Variants in UHRF2 observed in about 807,000 individuals in gnomAD.
The protein encoded by UHRF2 is ubiquitin like with PHD and ring finger domains 2.
In UHRF2, 23 loss-of-function variants were observed where a neutral mutation model predicts 96.8. The observed-to-expected ratio is 0.24, with a 90% CI of 0.17 to 0.34. UHRF2 has a LOEUF of 0.34. Among genes scored for constraint, UHRF2 ranks in the 10% least tolerant of loss-of-function variants. UHRF2 has a pLI of 1.00. For missense variants in UHRF2, 685 were observed against 981.5 expected (o/e 0.70, Z 4.04); for synonymous variants, 385 against 332.6 (o/e 1.16, Z -1.72).
At chr9:6,484,099 G>C (rs1294866317) in intron 8 of UHRF2, among the ~76,000 whole-genome samples, 1 of 147,228 alleles carries the variant, frequency 6.8e-6, no homozygotes, top group Non-Finnish European at 1.5e-5. Context: ...AAGAGACAGG[G>C]TCTTGCTCTA....
At chr9:6,487,819 G>C (rs1824401324) in intron 9 of UHRF2, among the ~76,000 whole-genome samples, 1 of 152,024 alleles carries the variant, frequency 6.6e-6, no homozygotes. Flanking sequence ...AGCTTTTTTT[G>C]GTCATTCTTC....
intron 3 of UHRF2, among the ~76,000 whole-genome samples, chr9:6,453,885 A>G (rs752588951): frequency 6.6e-6 from 1 of 152,180 alleles, no homozygotes; most frequent in Non-Finnish European, 1.5e-5. Context: ...AACCTGGGCA[A>G]CAGAGTAAGA....
intron 8 of UHRF2, among the ~76,000 whole-genome samples, chr9:6,486,249 T>G (rs975949614): frequency 1.3e-5 from 2 of 152,182 alleles, no homozygotes; most frequent in South Asian, 2.1e-4. Flanking sequence ...AAAGGATCTG[T>G]TGTGAGCATT....
At chr9:6,431,429 A>G (rs1222688837) in intron 2 of UHRF2, among the ~76,000 whole-genome samples, 1 of 152,084 alleles carries the variant, frequency 6.6e-6, no homozygotes, top group Non-Finnish European at 1.5e-5. Flanking sequence ...GCAACATAGC[A>G]AACTCTGTCT....
At chr9:6,500,271 A>G (rs900679333) in intron 13 of UHRF2, among the ~76,000 whole-genome samples, 3 of 152,194 alleles carry the variant, frequency 2.0e-5, no homozygotes, top group Admixed American at 2.0e-4. Flanking sequence ...TCCAGCCAAC[A>G]TACTTTTTAA....
intron 3 of UHRF2, among the ~76,000 whole-genome samples, chr9:6,451,723 G>T (rs950208240): frequency 6.6e-6 from 1 of 151,628 alleles, no homozygotes; most frequent in African/African-American, 2.4e-5. Context: ...CGCCTTTCTC[G>T]GCCTCCCAAA....
chr9:6,471,814 A>G (rs1218687060), intron 4 of UHRF2, among the ~76,000 whole-genome samples: 1 of 152,196 alleles, frequency 6.6e-6, no homozygotes, highest in African/African-American at 2.4e-5. Context: ...GCTCCATTCC[A>G]GGACTAAAGC....
At position 6,422,962 on chromosome 9, in the gene UHRF2, T is replaced by A. The variant is rs1214590370; in HGVS notation, c.384+1820T>A. 3 of 291,294 alleles carry A rather than the reference T, an allele frequency of 1.0e-5. No homozygotes were observed. In the East Asian group the frequency reaches 1.7e-4, roughly 17 times the overall value. 18.0% of individuals were successfully genotyped at this position (291,294 alleles called of 1,614,324 possible). A position where few individuals can be genotyped will look rare whatever the true frequency, so the allele number is the denominator to read the frequency against. ...TAACCAGCAACCTTTTCAAATCTAA[T>A]AAATTGTGTAGAAATAATCGAATGG... On this transcript the variant is annotated intron_variant, in intron 2 of 15. Transcript: ENST00000276893.
At chr9:6,423,808 G>A (rs1052487860) in intron 2 of UHRF2, among the ~76,000 whole-genome samples, 2 of 152,048 alleles carry the variant, frequency 1.3e-5, no homozygotes, top group East Asian at 1.9e-4. Flanking sequence ...AGCTGGATGC[G>A]ATGGCAGGTG....
intron 4 of UHRF2, among the ~76,000 whole-genome samples, chr9:6,466,595 A>G (rs1480537351): frequency 6.8e-6 from 1 of 148,068 alleles, no homozygotes. Flanking sequence ...TTTTAGGTTC[A>G]GTGTCATTTT....
intron 4 of UHRF2, among the ~76,000 whole-genome samples, chr9:6,463,051 G>A (rs1822645357): frequency 2.0e-5 from 3 of 152,180 alleles, no homozygotes; most frequent in Admixed American, 2.0e-4. Flanking sequence ...GGAGGCCAGG[G>A]TGGGTGGATC....
intron 4 of UHRF2, among the ~76,000 whole-genome samples, chr9:6,466,531 C>G (rs1214224572): frequency 8.8e-6 from 1 of 113,464 alleles, no homozygotes; most frequent in African/African-American, 3.5e-5. Context: ...CAGAGTGAGA[C>G]TCTATCTCAA....
intron 8 of UHRF2, among the ~76,000 whole-genome samples, chr9:6,482,413 A>G (rs1394901200): frequency 6.6e-6 from 1 of 152,176 alleles, no homozygotes; most frequent in Admixed American, 6.5e-5. Flanking sequence ...AACTTGAATC[A>G]TGTGGCAAAT....
chr9:6,448,149 T>C (rs911724446), intron 3 of UHRF2, among the ~76,000 whole-genome samples: 6 of 152,164 alleles, frequency 3.9e-5, no homozygotes, highest in Non-Finnish European at 8.8e-5. Context: ...ACAGAGGCTC[T>C]AGAAGAAATG....
chr9:6,431,989 A>G (rs1168573642), intron 2 of UHRF2, among the ~76,000 whole-genome samples: 2 of 152,220 alleles, frequency 1.3e-5, no homozygotes, highest in African/African-American at 2.4e-5. Context: ...TCTCCCAAGT[A>G]TGATGGACCT....
In UHRF2 at chr9:6,494,056, T is replaced by G. The variant is rs929557282; in HGVS notation, c.1604+124T>G. On this transcript the variant is annotated intron_variant, in intron 10 of 15. Transcript: ENST00000276893. ...GGGAGTTAAAGATCTGAAATTAAAA[T>G]TCCAGTGCCTGATTATGTAATTGTT... 92 of 748,798 alleles carry G rather than the reference T, an allele frequency of 1.2e-4. 1 individual carries two copies. The South Asian group carries it at 1.7e-3, about 14-fold the overall frequency. The allele number at this position is 748,798 out of a possible 1,614,324, so 46.4% of individuals were successfully genotyped here. A position where few individuals can be genotyped will look rare whatever the true frequency, so the allele number is the denominator to read the frequency against.
chr9:6,463,796 T>C (rs1822705002), intron 4 of UHRF2, among the ~76,000 whole-genome samples: 1 of 152,054 alleles, frequency 6.6e-6, no homozygotes, highest in African/African-American at 2.4e-5. Context: ...TTTTAATGAT[T>C]AGAAATCTTT....
chr9:6,413,842 A>G (rs1009047837), intron 1 of UHRF2, 199 bp downstream of exon 1: 7 of 566,976 alleles, frequency 1.2e-5, no homozygotes, highest in Non-Finnish European at 1.6e-5. Context: ...GCCAGCCCCA[A>G]CTGGAGGTGC....
At chr9:6,421,952 A>G (rs963519478) in intron 2 of UHRF2, among the ~76,000 whole-genome samples, 1 of 152,128 alleles carries the variant, frequency 6.6e-6, no homozygotes, top group African/African-American at 2.4e-5. Context: ...CCTTTTCACT[A>G]TTATGTCATT....
Sources: gnomAD v4.1 joint callset for allele counts (sites outside exome capture counted in the v4.1 genomes callset) on GRCh38, gnomAD v4.1.1 for gene constraint, MANE v1.5 for transcripts, NCBI Gene and HGNC (gene_info 2026-07-23, HGNC 2026-07-21) for gene names.